OXCT1: variants seen among roughly 807,000 people sequenced by gnomAD.
OXCT1 encodes the protein succinyl-CoA:3-ketoacid coenzyme A transferase 1, mitochondrial.
In OXCT1, 27 loss-of-function variants were observed where a neutral mutation model predicts 69.6. The ratio of observed to expected loss-of-function variants is 0.39; its 90% CI spans 0.29 to 0.54. The LOEUF is 0.54. OXCT1 is among the 20% of genes least tolerant of loss of function. The pLI, the probability that OXCT1 is intolerant of heterozygous loss-of-function variation, is 0.72. For synonymous variants in OXCT1, 202 were observed against 217.8 expected, an observed-to-expected ratio of 0.93 and a Z score of 0.64; for missense variants, 437 against 650.2, an observed-to-expected ratio of 0.67 and a Z score of 3.57.
chr5:41,838,330 G>C (rs778101943), intron 7 of OXCT1, among the ~76,000 whole-genome samples: 2 of 152,130 alleles, frequency 1.3e-5, no homozygotes, highest in Non-Finnish European at 2.9e-5. Flanking sequence ...ACTTTTGAGA[G>C]CACAGTTCTT....
intron 14 of OXCT1, among the ~76,000 whole-genome samples, chr5:41,752,379 A>T (rs1342060689): frequency 1.3e-5 from 2 of 152,116 alleles, no homozygotes; most frequent in African/African-American, 4.8e-5. Context: ...GATCTCATTC[A>T]TGCTTATATA....
intron 8 of OXCT1, among the ~76,000 whole-genome samples, chr5:41,806,492 TG>T (rs1746686557): frequency 6.6e-6 from 1 of 152,052 alleles, no homozygotes; most frequent in Admixed American, 6.6e-5. Context: ...TGCGGCCTAG[TG>T]GGAAGTGTTG....
At chr5:41,847,245 C>G (rs1277093217) in intron 5 of OXCT1, among the ~76,000 whole-genome samples, 5 of 151,970 alleles carry the variant, frequency 3.3e-5, no homozygotes, top group Admixed American at 6.6e-5. Context: ...AGTTGAATCT[C>G]TGAATAGACC....
intron 13 of OXCT1, among the ~76,000 whole-genome samples, chr5:41,790,172 C>T (rs1408327363): frequency 6.6e-6 from 1 of 152,212 alleles, no homozygotes; most frequent in Admixed American, 6.5e-5. Flanking sequence ...TACTGCAGCC[C>T]TGTCCAGTGG....
intron 13 of OXCT1, among the ~76,000 whole-genome samples, chr5:41,774,143 A>G (rs1745012201): frequency 6.6e-6 from 1 of 152,212 alleles, no homozygotes; most frequent in South Asian, 2.1e-4. Flanking sequence ...TAAGAATGCC[A>G]TTTTCTAGGT....
At chr5:41,808,417 C>T (rs1249726483) in intron 7 of OXCT1, among the ~76,000 whole-genome samples, 1 of 151,994 alleles carries the variant, frequency 6.6e-6, no homozygotes, top group Non-Finnish European at 1.5e-5. Flanking sequence ...TTAAGTAGCC[C>T]TTCTTATGCT....
chr5:41,854,565 T>G (rs577803583), intron 3 of OXCT1, among the ~76,000 whole-genome samples: 3 of 152,178 alleles, frequency 2.0e-5, no homozygotes, highest in Non-Finnish European at 2.9e-5. Flanking sequence ...ATACTTGACC[T>G]TAAGCTTTTT....
In OXCT1 at chr5:41,859,864, A is replaced by AATATATATATATATATTAT. The variant is rs1749634621; in HGVS notation, c.278+1449_278+1450insATAATATATATATATATAT. On this transcript the variant is annotated intron_variant, in intron 3 of 16. Coordinates refer to ENST00000196371, the MANE Select transcript of OXCT1 (RefSeq NM_000436.4). ...AACTATTATACCTGACTAGTATAGT[A>AATATATATATATATATTAT]ATATATATATATATATATATATGTA... is the stretch of plus-strand genomic sequence containing the variant. Among the ~76,000 whole-genome samples the AATATATATATATATATTAT allele has an allele frequency of 2.6e-3, 309 of 120,094 alleles. 5 individuals are homozygous for AATATATATATATATATTAT. The highest frequency in any genetic ancestry group is 8.5e-3 in the African/African-American group (279 of 32,908). The allele number at this position is 120,094 out of a possible 152,430, so 78.8% of individuals were successfully genotyped here. A position where few individuals can be genotyped will look rare whatever the true frequency, so the allele number is the denominator to read the frequency against.
intron 14 of OXCT1, among the ~76,000 whole-genome samples, chr5:41,758,233 C>T (rs1744179707): frequency 6.6e-6 from 1 of 152,008 alleles, no homozygotes; most frequent in Non-Finnish European, 1.5e-5. Flanking sequence ...CATCACTTCT[C>T]TAGTTGGGCC....
intron 15 of OXCT1, among the ~76,000 whole-genome samples, chr5:41,743,108 G>A (rs1743265045): frequency 6.6e-6 from 1 of 152,164 alleles, no homozygotes. Context: ...GTGTAAAAGT[G>A]TTCTTATTTC....
intron 7 of OXCT1, among the ~76,000 whole-genome samples, chr5:41,837,761 A>G (rs567978405): frequency 6.6e-6 from 1 of 152,298 alleles, no homozygotes; most frequent in African/African-American, 2.4e-5. Context: ...ATTTCATTAC[A>G]TAATGGAAAA....
At chr5:41,735,958 C>G (rs555478465) in intron 16 of OXCT1, among the ~76,000 whole-genome samples, 1 of 152,314 alleles carries the variant, frequency 6.6e-6, no homozygotes, top group African/African-American at 2.4e-5. Context: ...TCTGGTGCTG[C>G]CTACACTGGG....
chr5:41,865,435 C>T (rs1375966605), intron 1 of OXCT1, among the ~76,000 whole-genome samples: 1 of 152,148 alleles, frequency 6.6e-6, no homozygotes, highest in Non-Finnish European at 1.5e-5. Context: ...AAGATGTTTT[C>T]CAGGTAATCT....
intron 8 of OXCT1, among the ~76,000 whole-genome samples, chr5:41,806,430 A>C (rs770614431): frequency 6.6e-6 from 1 of 152,052 alleles, no homozygotes; most frequent in Non-Finnish European, 1.5e-5. Flanking sequence ...GATGATTTAG[A>C]TATGTGTCCC....
At chr5:41,800,616 G>A (rs1034961620) in intron 11 of OXCT1, among the ~76,000 whole-genome samples, 1 of 151,218 alleles carries the variant, frequency 6.6e-6, no homozygotes, top group Non-Finnish European at 1.5e-5. Context: ...TTTGGTAGAG[G>A]AACTCAGTGA....
chr5:41,795,796 A>G (rs1489005026), intron 11 of OXCT1, among the ~76,000 whole-genome samples: 1 of 152,200 alleles, frequency 6.6e-6, no homozygotes, highest in Non-Finnish European at 1.5e-5. Flanking sequence ...TCATTTCACA[A>G]TGTATATGTA....
At chr5:41,841,697 A>G (rs572464694) in intron 6 of OXCT1, among the ~76,000 whole-genome samples, 113 of 152,324 alleles carry the variant, frequency 7.4e-4, no homozygotes, top group African/African-American at 2.5e-3. Context: ...CAATTTTGTT[A>G]ATCTTTTTTA....
chr5:41,845,579 T>G (rs1748857449), intron 5 of OXCT1, among the ~76,000 whole-genome samples: 1 of 151,516 alleles, frequency 6.6e-6, no homozygotes. Context: ...AAAAAAAAAG[T>G]ACTAAGAATT....
intron 13 of OXCT1, among the ~76,000 whole-genome samples, chr5:41,769,402 T>C (rs1036071144): frequency 1.3e-5 from 2 of 152,032 alleles, no homozygotes; most frequent in African/African-American, 2.4e-5. Context: ...GATTAATCAG[T>C]GCCTGTGCCT....
Sources: gnomAD v4.1 joint callset for allele counts (sites outside exome capture counted in the v4.1 genomes callset) on GRCh38, gnomAD v4.1.1 for gene constraint, MANE v1.5 for transcripts, NCBI Gene and HGNC (gene_info 2026-07-23, HGNC 2026-07-21) for gene names.